VWA8: variants seen among roughly 807,000 people sequenced by gnomAD.
The protein encoded by VWA8 is von Willebrand factor A domain containing 8.
Under a neutral mutation model 241.5 loss-of-function variants are expected in VWA8, and 221 were observed. The observed-to-expected ratio is 0.91, with a 90% CI of 0.82 to 1.02. The LOEUF (loss-of-function observed/expected upper bound fraction) is 1.02. Among genes scored for constraint, VWA8 ranks in the 50% least tolerant of loss-of-function variants. VWA8 has a pLI of 0.00. For synonymous variants in VWA8, 852 were observed against 827.1 expected, an observed-to-expected ratio of 1.03 and a Z score of -0.52; for missense variants, 2,322 against 2,328.7, an observed-to-expected ratio of 1.00 and a Z score of 0.06.
In VWA8 at chr13:41,900,578, A is replaced by G. The variant is rs544788851; in HGVS notation, c.483+7008T>C. The stretch of plus-strand genomic sequence containing the variant: ...GTTCTAGATTTGCTTCTGATTTGAT[A>G]TAAGACCTTAGGCAAACAATTAATC... On this transcript the variant is annotated intron_variant, in intron 4 of 44. Coordinates refer to ENST00000379310, the MANE Select transcript of VWA8 (RefSeq NM_015058.2). 5.5e-4 allele frequency among the ~76,000 whole-genome samples: 84 copies of G among 152,336 alleles called. 1 individual carries two copies. The highest frequency in any genetic ancestry group is 1.9e-3 in the South Asian group (9 of 4,830).
chr13:41,833,459 G>A lies in VWA8; in HGVS notation c.1498C>T (p.Pro500Ser). 1.9e-6 allele frequency: 3 copies of A among 1,614,030 alleles called. No homozygotes were observed. Among genetic ancestry groups the A allele is most frequent in the South Asian group, 2.2e-5 (2 of 91,066 alleles). Residue 500 changes from proline (P) to serine (S), a missense_variant, in exon 13 of 45, where the codon CCC (proline) becomes TCC (serine). Coordinates refer to ENST00000379310, the MANE Select transcript of VWA8 (RefSeq NM_015058.2). ...PNGDTAWRSS[P>S]LVNAALEGKL... is the part of the protein sequence containing the mutation. ...CCTTCCAGAGCAGCATTCACAAGGG[G>A]TGAGGACCGCCAGGCAGTGTCTCCA... is the stretch of plus-strand genomic sequence containing the variant.
At chr13:41,761,711 C>T (rs1283801137) in intron 20 of VWA8, among the ~76,000 whole-genome samples, 1 of 151,964 alleles carries the variant, frequency 6.6e-6, no homozygotes, top group Non-Finnish European at 1.5e-5. Flanking sequence ...CCTTTAAAAC[C>T]TTGGAAACCT....
At chr13:41,797,737 T>C (rs1869768291) in intron 17 of VWA8, among the ~76,000 whole-genome samples, 1 of 152,156 alleles carries the variant, frequency 6.6e-6, no homozygotes, top group South Asian at 2.1e-4. Flanking sequence ...TTTCTTCCCT[T>C]TTGGTTAGTA....
At chr13:41,938,522 G>A (rs1441948925) in intron 2 of VWA8, among the ~76,000 whole-genome samples, 2 of 151,736 alleles carry the variant, frequency 1.3e-5, no homozygotes, top group African/African-American at 2.4e-5. Flanking sequence ...GTAGTGGCAC[G>A]TGCCTGTAGT....
At chr13:41,682,087 A>T (rs139507854) in intron 35 of VWA8, among the ~76,000 whole-genome samples, 1 of 152,210 alleles carries the variant, frequency 6.6e-6, no homozygotes, top group South Asian at 2.1e-4. Flanking sequence ...GGAAGAATCT[A>T]TACTACCTGG....
intron 12 of VWA8, among the ~76,000 whole-genome samples, chr13:41,837,990 C>T (rs1453924304): frequency 6.6e-6 from 1 of 152,106 alleles, no homozygotes; most frequent in Non-Finnish European, 1.5e-5. Flanking sequence ...CACTTTCATT[C>T]AGATCCCTGG....
chr13:41,932,192 T>C (rs575699020), intron 2 of VWA8, among the ~76,000 whole-genome samples: 15 of 152,086 alleles, frequency 9.9e-5, no homozygotes, highest in Non-Finnish European at 1.6e-4. Flanking sequence ...AAAACACTTA[T>C]GCTAATGTAT....
chr13:41,763,316 G>A (rs61964896), intron 20 of VWA8, among the ~76,000 whole-genome samples: 13,254 of 95,018 alleles, frequency 0.14, 631 homozygotes, highest in South Asian at 0.19. Context: ...TAAATAGATA[G>A]ATAGATAGAT....
At chr13:41,613,955 G>A (rs1356453733) in intron 38 of VWA8, among the ~76,000 whole-genome samples, 1 of 152,152 alleles carries the variant, frequency 6.6e-6, no homozygotes, top group Non-Finnish European at 1.5e-5. Flanking sequence ...ACAGATACGT[G>A]AGCTAGTAAA....
chr13:41,701,434 A>G lies in VWA8; in HGVS notation c.3322T>C (p.Leu1108=), dbSNP rs372204011. ...TCACAGATTATATTAATTTCATCCA[A>G]TGGTATTCTCCATGAGGCACATTCT... The part of the protein sequence containing the change: ...TEECASWRIP[L]DEINIICDIA... The change falls in exon 28 of 45, where the codon TTG becomes CTG. Residue 1108 remains leucine, a synonymous_variant. Coordinates refer to ENST00000379310, the MANE Select transcript of VWA8 (RefSeq NM_015058.2). 1.1e-5 allele frequency: 17 copies of G among 1,611,122 alleles called. No individual in the cohort carries two copies. Among genetic ancestry groups the G allele is most frequent in the African/African-American group, 5.3e-5 (4 of 74,768 alleles).
intron 26 of VWA8, among the ~76,000 whole-genome samples, chr13:41,708,290 G>A (rs2045295241): frequency 2.0e-5 from 3 of 152,054 alleles, no homozygotes; most frequent in Admixed American, 6.5e-5. Context: ...GAACCCGGGA[G>A]GCAGAGGTTG....
At chr13:41,678,198 G>A (rs1013913234) in intron 35 of VWA8, among the ~76,000 whole-genome samples, 1 of 152,124 alleles carries the variant, frequency 6.6e-6, no homozygotes, top group Non-Finnish European at 1.5e-5. Context: ...GCTAGGCATG[G>A]GTTGTCCCAA....
chr13:41,900,424 A>G (rs1223667112), intron 4 of VWA8, among the ~76,000 whole-genome samples: 1 of 152,208 alleles, frequency 6.6e-6, no homozygotes, highest in Non-Finnish European at 1.5e-5. Flanking sequence ...GAATTCAGAA[A>G]AAAATGCAGC....
intron 37 of VWA8, among the ~76,000 whole-genome samples, chr13:41,645,576 A>G (rs541118015): frequency 3.8e-4 from 58 of 152,152 alleles, no homozygotes; most frequent in Non-Finnish European, 7.6e-4. Context: ...GGACTTGATT[A>G]CTTCTGAACT....
At chr13:41,856,614 A>C (rs1360265729) in intron 12 of VWA8, among the ~76,000 whole-genome samples, 1 of 152,138 alleles carries the variant, frequency 6.6e-6, no homozygotes, top group African/African-American at 2.4e-5. Flanking sequence ...TGAGCCCAGG[A>C]GTTCGAGATC....
At chr13:41,874,713 A>G (rs1329178006) in intron 9 of VWA8, among the ~76,000 whole-genome samples, 1 of 152,160 alleles carries the variant, frequency 6.6e-6, no homozygotes, top group Non-Finnish European at 1.5e-5. Context: ...ATCCTGTCCC[A>G]TCAGGCCATC....
intron 21 of VWA8, among the ~76,000 whole-genome samples, chr13:41,733,005 C>G (rs1448861301): frequency 6.6e-6 from 1 of 152,158 alleles, no homozygotes; most frequent in African/African-American, 2.4e-5. Flanking sequence ...TAAGTAGCGT[C>G]TTTGAAGAGT....
intron 12 of VWA8, among the ~76,000 whole-genome samples, chr13:41,863,395 TTGTGTGTGTGTGTGTGTG>T (rs140177608): frequency 0.05 from 4,455 of 89,998 alleles, 193 homozygotes; most frequent in African/African-American, 0.084. Flanking sequence ...TATCTCCTAT[TTGTGTGTGTGTGTGTGTG>T]TGTGTGTGTG....
chr13:41,697,449 G>C (rs2045222430), intron 29 of VWA8, among the ~76,000 whole-genome samples: 2 of 152,140 alleles, frequency 1.3e-5, no homozygotes, highest in Admixed American at 1.3e-4. Context: ...TACACCAGTG[G>C]CCCCCAACCT....
Sources: gnomAD v4.1 joint callset for allele counts (sites outside exome capture counted in the v4.1 genomes callset) on GRCh38, gnomAD v4.1.1 for gene constraint, MANE v1.5 for transcripts, NCBI Gene and HGNC (gene_info 2026-07-23, HGNC 2026-07-21) for gene names.